ARHGEF37: variants seen among roughly 807,000 people sequenced by gnomAD.
ARHGEF37 encodes Rho guanine nucleotide exchange factor 37.
A neutral mutation model predicts 71.1 loss-of-function variants in ARHGEF37; 55 were observed. That is an observed-to-expected ratio of 0.77 (90% CI 0.62 to 0.97). ARHGEF37 has a LOEUF of 0.97. Ranked by LOEUF, ARHGEF37 falls within the 50% of genes least tolerant of loss-of-function variation. The probability of loss-of-function intolerance (pLI) is 0.00; values close to 1 mark genes in which losing one functional copy is unlikely to be tolerated. For synonymous variants in ARHGEF37, 327 were observed against 350.6 expected (o/e 0.93, Z 0.75); for missense variants, 765 against 836.8 (o/e 0.91, Z 1.06).
At position 149,627,092 on chromosome 5, in the gene ARHGEF37, C is replaced by T. The variant is rs751157931; in HGVS notation, c.1481C>T (p.Ser494Phe). 1 of 1,613,506 alleles carries T rather than the reference C, an allele frequency of 6.2e-7. No homozygotes were observed. The highest frequency in any genetic ancestry group is 8.5e-7 in the Non-Finnish European group (1 of 1,179,644). The change falls in exon 11 of 13, where the codon TCT becomes TTT. Residue 494 changes from serine to phenylalanine, a missense_variant. Transcript: ENST00000333677. ...PPTTQPLLPGSERQVQALLSR... is the reference protein window; with the variant it reads ...PPTTQPLLPGFERQVQALLSR... Reference sequence around the variant, plus strand: ...CTCTCCCAGCCGCTCCTTCCAGGGTCTGAACGCCAGGTGCAGGCTCTCCTG... The same window carrying T: ...CTCTCCCAGCCGCTCCTTCCAGGGTTTGAACGCCAGGTGCAGGCTCTCCTG...
chr5:149,620,381 T>A lies in ARHGEF37; in HGVS notation c.922T>A (p.Tyr308Asn). 6.2e-7 allele frequency: 1 copy of A among 1,612,308 alleles called. No individual in the cohort carries two copies. Among genetic ancestry groups the A allele is most frequent in the Non-Finnish European group, 8.5e-7 (1 of 1,179,244 alleles). ...TTTCCTCTACTTCAGGCCGCACGAA[T>A]ACAATCTGGACATCCCCGAGGGGCC... The part of the protein sequence containing the change: ...QAFLYFRPHE[Y>N]NLDIPEGPAV... Residue 308 changes from tyrosine (Y) to asparagine (N), a missense_variant, in exon 8 of 13, where the codon TAC becomes AAC. This residue lies in a region of ARHGEF37 where 167 missense variants were observed against 173.3 expected (regional missense o/e 0.96). Transcript: ENST00000333677.
chr5:149,597,377 C>T (rs983281337), intron 1 of ARHGEF37, among the ~76,000 whole-genome samples: 2 of 152,108 alleles, frequency 1.3e-5, no homozygotes, highest in East Asian at 1.9e-4. Flanking sequence ...TCTGCCTCAG[C>T]GTATCTGAGT....
chr5:149,594,504 T>C (rs1293472706), intron 1 of ARHGEF37, among the ~76,000 whole-genome samples: 2 of 152,242 alleles, frequency 1.3e-5, no homozygotes, highest in Non-Finnish European at 2.9e-5. Context: ...CATCCATTTA[T>C]GTACTCTCCG....
At chr5:149,594,095 G>C (rs1354090548) in intron 1 of ARHGEF37, among the ~76,000 whole-genome samples, 1 of 152,138 alleles carries the variant, frequency 6.6e-6, no homozygotes, top group Non-Finnish European at 1.5e-5. Context: ...TGTTTTTAAA[G>C]AAATAACAAT....
At position 149,632,373 on chromosome 5, in the gene ARHGEF37, GGGGC is replaced by G; in HGVS notation, c.*183_*186del. The stretch of plus-strand genomic sequence containing the variant: ...GCCTCGCAGAGTGCTTGGTGTGGTG[GGGGC>G]ACAGGAGGCTCCAGCCAGGACTGCT... On this transcript the variant is annotated 3_prime_UTR_variant, in exon 13 of 13. Coordinates refer to ENST00000333677, the MANE Select transcript of ARHGEF37 (RefSeq NM_001001669.3). 1.5e-6 allele frequency: 1 copy of G among 655,822 alleles called. No individual in the cohort carries two copies. The highest frequency in any genetic ancestry group is 2.6e-6 in the Non-Finnish European group (1 of 388,030). 40.6% of individuals were successfully genotyped at this position (655,822 alleles called of 1,614,324 possible).
Position 149,618,984 on chromosome 5 carries a change from T to C in ARHGEF37, c.836T>C (p.Val279Ala). ...GATTTAGAAGAGAGGTTCCAGTGGG[T>C]GTCTCTGTGTGTGACTGAGCTGAAG... Reference protein sequence around the residue: ...FDDLEERFQWVSLCVTELKNN... With the variant: ...FDDLEERFQWASLCVTELKNN... The change falls in exon 7 of 13, where the codon GTG becomes GCG. Residue 279 changes from valine (V) to alanine (A), a missense_variant. Val to Ala is a moderately conservative substitution (Grantham distance 64). This residue lies in a region of ARHGEF37 where 167 missense variants were observed against 173.3 expected (regional missense o/e 0.96). Coordinates refer to ENST00000333677, the MANE Select transcript of ARHGEF37 (RefSeq NM_001001669.3). 3 of 1,614,174 alleles carry C rather than the reference T, an allele frequency of 1.9e-6. No individual in the cohort carries two copies. Among genetic ancestry groups the C allele is most frequent in the Non-Finnish European group, 2.5e-6 (3 of 1,180,034 alleles).
intron 4 of ARHGEF37, among the ~76,000 whole-genome samples, chr5:149,615,766 C>G (rs1170883907): frequency 6.6e-6 from 1 of 152,076 alleles, no homozygotes; most frequent in African/African-American, 2.4e-5. Context: ...GTGGTGTGCA[C>G]CTGTAATCCC....
chr5:149,588,832 C>T (rs758316745), intron 1 of ARHGEF37, among the ~76,000 whole-genome samples: 149 of 152,338 alleles, frequency 9.8e-4, no homozygotes, highest in Non-Finnish European at 8.2e-4. Flanking sequence ...GGATCCTCAA[C>T]TTTCCCTGCC....
chr5:149,615,524 T>C (rs1752350105), intron 4 of ARHGEF37, among the ~76,000 whole-genome samples: 1 of 152,124 alleles, frequency 6.6e-6, no homozygotes, highest in Non-Finnish European at 1.5e-5. Flanking sequence ...TTGAAGGAAA[T>C]TATAGATATT....
chr5:149,627,340 C>A, intron 11 of ARHGEF37, 69 bp downstream of exon 11: 1 of 1,525,112 alleles, frequency 6.6e-7, no homozygotes, highest in East Asian at 2.3e-5. Flanking sequence ...GGTGCAGAGA[C>A]CCGGGCACTC....
chr5:149,580,561 T>C (rs1763087577), upstream of ARHGEF37, among the ~76,000 whole-genome samples: 1 of 152,154 alleles, frequency 6.6e-6, no homozygotes, highest in African/African-American at 2.4e-5. Context: ...GGGCAAGTTA[T>C]TTTCACCTCT....
Position 149,618,283 on chromosome 5 carries a change from C to A in ARHGEF37, c.766C>A (p.Gln256Lys). Reference sequence around the variant, plus strand: ...CACCCGGCTGAGCCAGCTGCTGAAGCAGGAGGCGGGGCTGATCCCCAGGGT... The same window carrying A: ...CACCCGGCTGAGCCAGCTGCTGAAGAAGGAGGCGGGGCTGATCCCCAGGGT... ...KTTRLSQLLK[Q>K]EAGLIPRTED... The change falls in exon 6 of 13, where the codon CAG (glutamine) becomes AAG (lysine). Residue 256 changes from glutamine to lysine, a missense_variant. Gln to Lys is a moderately conservative substitution (Grantham distance 53). This residue lies in a region of ARHGEF37 where 167 missense variants were observed against 173.3 expected (regional missense o/e 0.96). Coordinates refer to ENST00000333677, the MANE Select transcript of ARHGEF37 (RefSeq NM_001001669.3). The A allele has an allele frequency of 6.2e-7, 1 of 1,614,230 alleles. No individual in the cohort carries two copies. Among genetic ancestry groups the A allele is most frequent in the South Asian group, 1.1e-5 (1 of 91,088 alleles).
At chr5:149,593,148 T>G (rs7731610) in intron 1 of ARHGEF37, among the ~76,000 whole-genome samples, 100,242 of 152,132 alleles carry the variant, frequency 0.66, 35,145 homozygotes, top group East Asian at 0.99. Context: ...CTATAATATT[T>G]TTTTGGTAGC....
chr5:149,603,529 A>G (rs1763822029), intron 3 of ARHGEF37, among the ~76,000 whole-genome samples: 1 of 152,228 alleles, frequency 6.6e-6, no homozygotes. Flanking sequence ...TAAAGCCTGT[A>G]TACTGTGTGT....
At chr5:149,618,457 C>G in intron 6 of ARHGEF37, 151 bp downstream of exon 6, 1 of 1,259,674 alleles carries the variant, frequency 7.9e-7, no homozygotes, top group South Asian at 1.5e-5. Context: ...AGGTGGCACC[C>G]CACTTGATTC....
chr5:149,624,195 G>A, intron 10 of ARHGEF37, 55 bp downstream of exon 10: 1 of 1,558,800 alleles, frequency 6.4e-7, no homozygotes, highest in Non-Finnish European at 8.8e-7. Context: ...GGCCAGTAGG[G>A]TGAGGCTCCA....
rs1762746184 is a variant in ARHGEF37 at position 149,555,796 on chromosome 5, T to A, written c.-12+3673T>A. On this transcript the variant is annotated intron_variant, in intron 1 of 2. Transcript: ENST00000505810. ...AATCATGTCCCAGGGATTACTTCTGTGTTCGTAGGGAATTCAAGATGAATT... is the reference window on the plus strand; with the variant it reads ...AATCATGTCCCAGGGATTACTTCTGAGTTCGTAGGGAATTCAAGATGAATT... Among the ~76,000 whole-genome samples, 3 of 152,140 alleles carry A rather than the reference T, an allele frequency of 2.0e-5. No individual in the cohort carries two copies. The East Asian group carries it at 5.8e-4, about 29-fold the overall frequency.
intron 1 of ARHGEF37, among the ~76,000 whole-genome samples, chr5:149,554,356 T>TGATA (rs1163502963): frequency 6.6e-6 from 1 of 152,190 alleles, no homozygotes; most frequent in Admixed American, 6.5e-5. Context: ...AATGAATGAA[T>TGATA]GATAGGTACT....
intron 8 of ARHGEF37, among the ~76,000 whole-genome samples, chr5:149,620,756 A>G (rs1421072565): frequency 1.3e-5 from 2 of 150,356 alleles, no homozygotes; most frequent in Non-Finnish European, 2.9e-5. Flanking sequence ...GCTTGAACCC[A>G]GGAGGCAGAG....
Sources: gnomAD v4.1 joint callset for allele counts (sites outside exome capture counted in the v4.1 genomes callset) on GRCh38, gnomAD v4.1.1 for gene constraint, gnomAD v4.1.1 regional missense constraint, MANE v1.5 for transcripts, NCBI Gene and HGNC (gene_info 2026-07-23, HGNC 2026-07-21) for gene names.